ATRX: variants seen among roughly 807,000 people sequenced by gnomAD.
ATRX encodes ATRX chromatin remodeler, also known as chromatin remodeler ATRX.
ATRX carries 12 observed loss-of-function variants against 172.6 expected under a neutral mutation model. That is an observed-to-expected ratio of 0.07 (90% CI 0.04 to 0.11). The LOEUF (loss-of-function observed/expected upper bound fraction) is 0.11. Among genes scored for constraint, ATRX ranks in the 10% least tolerant of loss-of-function variants. The pLI, the probability that ATRX is intolerant of heterozygous loss-of-function variation, is 1.00. For synonymous variants in ATRX, 674 were observed against 594.7 expected, an observed-to-expected ratio of 1.13 and a Z score of -1.94; for missense variants, 1,368 against 1,767.4, an observed-to-expected ratio of 0.77 and a Z score of 4.05.
chrX:77,658,933 C>A (rs1846110178), intron 12 of ATRX, among the ~76,000 whole-genome samples: 1 of 111,858 alleles, frequency 8.9e-6, no homozygotes, highest in South Asian at 3.6e-4. Context: ...TTAAAAAAAT[C>A]TATCATAACC....
chrX:77,684,827 T>C, intron 8 of ATRX, 112 bp downstream of exon 8: 1 of 809,774 alleles, frequency 1.2e-6, no homozygotes, highest in South Asian at 2.2e-5. Context: ...GAACAACCTT[T>C]CATTAAAGAC....
intron 30 of ATRX, among the ~76,000 whole-genome samples, chrX:77,543,795 C>A (rs1243314011): frequency 5.5e-5 from 6 of 108,632 alleles, no homozygotes; most frequent in Admixed American, 4.0e-4. Flanking sequence ...ATATCACACA[C>A]TGGGGCCTGT....
At chrX:77,509,919 G>C (rs782685062) in intron 34 of ATRX, among the ~76,000 whole-genome samples, 3 of 76,002 alleles carry the variant, frequency 3.9e-5, no homozygotes, top group Admixed American at 1.5e-4. Context: ...GGCGGGGGGG[G>C]GGGGCACATG....
chrX:77,698,049 T>C (rs45492603), intron 3 of ATRX, among the ~76,000 whole-genome samples: 1,724 of 111,460 alleles, frequency 0.015, 30 homozygotes, highest in African/African-American at 0.054. Context: ...TAAGCTAACA[T>C]ATGGCATGAA....
At chrX:77,550,212 A>G (rs1173505554) in intron 30 of ATRX, among the ~76,000 whole-genome samples, 4 of 111,755 alleles carry the variant, frequency 3.6e-5, no homozygotes, top group Non-Finnish European at 5.6e-5. Context: ...GGAACACTAT[A>G]AAGACAACTA....
At chrX:77,571,610 C>T (rs782513819) in intron 28 of ATRX, among the ~76,000 whole-genome samples, 2 of 111,241 alleles carry the variant, frequency 1.8e-5, no homozygotes, top group Middle Eastern at 4.7e-3. Context: ...TGAGAGAGAG[C>T]GAGCTTTGTG....
chrX:77,592,812 CAA>C (rs1169681345), intron 26 of ATRX, among the ~76,000 whole-genome samples: 1 of 78,698 alleles, frequency 1.3e-5, no homozygotes, highest in Admixed American at 1.4e-4. Flanking sequence ...AACTCCGTCT[CAA>C]AAAAAAAAAA....
intron 7 of ATRX, among the ~76,000 whole-genome samples, chrX:77,685,318 A>G (rs2071491438): frequency 8.9e-6 from 1 of 112,174 alleles, no homozygotes; most frequent in African/African-American, 3.2e-5. Context: ...CACAATATAT[A>G]AAGAGCTCCA....
rs45604342 is a variant in ATRX at position 77,557,121 on chromosome X, G to C, written c.6699+330C>G. Reference sequence around the variant, plus strand: ...AATTCACCATATGAATAAATTCGAAGTAATTTCCCCTTTTCTAATTGGAAA... The same window carrying C: ...AATTCACCATATGAATAAATTCGAACTAATTTCCCCTTTTCTAATTGGAAA... On this transcript the variant is annotated intron_variant, in intron 30 of 34. Transcript: ENST00000373344. 1.9e-4 allele frequency among the ~76,000 whole-genome samples: 21 copies of C among 111,900 alleles called. No homozygotes were observed. The East Asian group carries it at 5.9e-3, about 31-fold the overall frequency.
chrX:77,606,757 C>CAAAAAA (rs782601756), intron 22 of ATRX, among the ~76,000 whole-genome samples: 3 of 67,003 alleles, frequency 4.5e-5, no homozygotes, highest in African/African-American at 1.8e-4. Context: ...CTCATCTCTA[C>CAAAAAA]AAAAAAAAAA....
chrX:77,525,813 A>T (rs1292827943), intron 30 of ATRX, among the ~76,000 whole-genome samples: 5 of 112,307 alleles, frequency 4.5e-5, no homozygotes, highest in African/African-American at 1.6e-4. Flanking sequence ...GCACAAAAAT[A>T]CCCAATTCTT....
intron 1 of ATRX, among the ~76,000 whole-genome samples, chrX:77,770,208 T>G (rs2076111562): frequency 9.1e-6 from 1 of 109,546 alleles, no homozygotes; most frequent in South Asian, 4.0e-4. Flanking sequence ...GTTCAAGTGA[T>G]TCTCCTGCCT....
rs782726588 is a variant in ATRX, at chrX:77,663,454, C to T, written c.4048G>A (p.Gly1350Arg). ...LLRHKLTVSDGESGEEKKTKP... is the reference protein window; with the variant it reads ...LLRHKLTVSDRESGEEKKTKP... ...GTCTTTTTTTCTTCTCCAGATTCTC[C>T]GTCACTCACAGTCAATTTGTGCCGC... Residue 1350 changes from glycine to arginine, a missense_variant, in exon 12 of 35, where the codon GGA becomes AGA. Transcript: ENST00000373344. 1.1e-5 allele frequency: 13 copies of T among 1,209,655 alleles called. No individual in the cohort carries two copies. The highest frequency in any genetic ancestry group is 2.2e-5 in the Admixed American group (1 of 45,696).
chrX:77,624,638 A>C (rs1188462122), intron 19 of ATRX, among the ~76,000 whole-genome samples: 1 of 111,524 alleles, frequency 9.0e-6, no homozygotes, highest in African/African-American at 3.3e-5. Flanking sequence ...TGCATAAATA[A>C]ATACATAAAT....
chrX:77,684,341 A>G lies in ATRX; in HGVS notation c.915T>C (p.Ser305=), dbSNP rs2148634776. The change falls in exon 9 of 35, where the codon AGT becomes AGC. Residue 305 remains serine, a synonymous_variant. Coordinates refer to ENST00000373344, the MANE Select transcript of ATRX (RefSeq NM_000489.6). ...KKKIKVDSEK[S]NKVYEHTSRF... is the part of the protein sequence containing the mutation. ...TGGATGTATGTTCATATACTTTATT[A>G]CTCTTTTCACTGTCAACTTTTATCT... 8.3e-7 allele frequency: 1 copy of G among 1,207,901 alleles called. No individual in the cohort carries two copies. The highest frequency in any genetic ancestry group is 1.1e-6 in the Non-Finnish European group (1 of 892,476).
chrX:77,573,944 C>T, intron 28 of ATRX, among the ~76,000 whole-genome samples: 1 of 111,268 alleles, frequency 9.0e-6, no homozygotes, highest in Middle Eastern at 4.6e-3. Flanking sequence ...AGTAGCTGAA[C>T]AAACTGTGAT....
At chrX:77,536,164 C>A (rs1216047435) in intron 30 of ATRX, among the ~76,000 whole-genome samples, 1 of 111,142 alleles carries the variant, frequency 9.0e-6, no homozygotes, top group Non-Finnish European at 1.9e-5. Flanking sequence ...ATCCTCCTGC[C>A]TCAGTCTCCT....
At chrX:77,690,597 G>C (rs1051850857) in intron 6 of ATRX, among the ~76,000 whole-genome samples, 1 of 110,980 alleles carries the variant, frequency 9.0e-6, no homozygotes, top group Non-Finnish European at 1.9e-5. Context: ...CCTAATAGCA[G>C]GCATTACAAG....
chrX:77,679,956 C>T (rs1048165330), intron 9 of ATRX, among the ~76,000 whole-genome samples: 12 of 111,734 alleles, frequency 1.1e-4, no homozygotes, highest in African/African-American at 3.9e-4. Context: ...TATAAGTCCA[C>T]AATCCCTTAT....
Sources: allele counts gnomAD v4.1 joint callset (sites outside exome capture counted in the v4.1 genomes callset), GRCh38; gene constraint gnomAD v4.1.1; transcripts MANE v1.5; gene names NCBI Gene and HGNC (gene_info 2026-07-23, HGNC 2026-07-21).